MYO18B: variants seen among roughly 807,000 people sequenced by gnomAD.
The protein encoded by MYO18B is unconventional myosin-XVIIIb.
A neutral mutation model predicts 273.0 loss-of-function variants in MYO18B; 204 were observed. That is an observed-to-expected ratio of 0.75 (90% CI 0.67 to 0.84). The LOEUF is 0.84. MYO18B is among the 40% of genes least tolerant of loss of function. MYO18B has a pLI of 0.00. For synonymous variants in MYO18B, 1,330 were observed against 1,305.7 expected, an observed-to-expected ratio of 1.02 and a Z score of -0.40; for missense variants, 3,212 against 3,287.6, an observed-to-expected ratio of 0.98 and a Z score of 0.56.
intron 36 of MYO18B, among the ~76,000 whole-genome samples, chr22:25,948,617 T>G (rs561859053): frequency 1.3e-5 from 2 of 151,548 alleles, no homozygotes; most frequent in Admixed American, 6.6e-5. Context: ...CTGTAGCTAT[T>G]TATTCAATAT....
At chr22:25,770,505 G>A (rs2086678891) in intron 5 of MYO18B, among the ~76,000 whole-genome samples, 1 of 152,196 alleles carries the variant, frequency 6.6e-6, no homozygotes, top group African/African-American at 2.4e-5. Flanking sequence ...GTGATGCTGA[G>A]TCTCAGTCTG....
intron 43 of MYO18B, among the ~76,000 whole-genome samples, chr22:26,028,913 A>G (rs1383947264): frequency 1.3e-5 from 2 of 149,460 alleles, no homozygotes; most frequent in African/African-American, 2.5e-5. Context: ...AAAAAAATTC[A>G]TTGCTAACCA....
chr22:25,880,500 A>G (rs1189288327), intron 25 of MYO18B, among the ~76,000 whole-genome samples: 4 of 152,120 alleles, frequency 2.6e-5, no homozygotes, highest in Non-Finnish European at 5.9e-5. Context: ...ACCCTAGGTA[A>G]GTGTTTTACA....
In MYO18B at chr22:25,910,923, G is replaced by A. The variant is rs763255058; in HGVS notation, c.5260-23G>A. Reference sequence around the variant, plus strand: ...GGATGGAGTTCATTTACCCTGTGATGTTTCTTCCCTGTGTATCCACAGCTT... The same window carrying A: ...GGATGGAGTTCATTTACCCTGTGATATTTCTTCCCTGTGTATCCACAGCTT... On this transcript the variant is annotated intron_variant, in intron 32 of 43. Transcript: ENST00000335473. The A allele has an allele frequency of 3.9e-6, 6 of 1,554,500 alleles. 1 individual carries two copies. The South Asian group carries it at 7.1e-5, about 18-fold the overall frequency.
At chr22:25,913,773 T>C (rs941323011) in intron 33 of MYO18B, among the ~76,000 whole-genome samples, 6 of 152,262 alleles carry the variant, frequency 3.9e-5, no homozygotes, top group Non-Finnish European at 7.3e-5. Context: ...CATTTTTGGT[T>C]ACGTATTTTG....
chr22:25,792,485 T>A (rs1183543726), intron 11 of MYO18B, among the ~76,000 whole-genome samples: 1 of 56,040 alleles, frequency 1.8e-5, no homozygotes, highest in Non-Finnish European at 4.2e-5. Context: ...ATGTTTCTTT[T>A]TTTTTTCTTT....
rs766572507 is a variant in MYO18B, at chr22:25,955,351, G to A, written c.6143G>A (p.Arg2048Gln). ...CAGCGGGAGGCAGAGGCCAGCCGGC[G>A]GTGCATGGAGCTGGTGAGTCCTGTC... is the stretch of plus-strand genomic sequence containing the variant. Reference protein sequence around the residue: ...LVQREAEASRRCMELEKYVEE... With the variant: ...LVQREAEASRQCMELEKYVEE... Residue 2048 changes from arginine to glutamine, a missense_variant, in exon 39 of 44, where the codon CGG (arginine) becomes CAG (glutamine). Physicochemically the swap from Arg to Gln is conservative, Grantham distance 43 (BLOSUM62 1). Coordinates refer to ENST00000335473, the MANE Select transcript of MYO18B (RefSeq NM_032608.7). 17 of 1,612,814 alleles carry A rather than the reference G, an allele frequency of 1.1e-5. No individual in the cohort carries two copies. Among genetic ancestry groups the A allele is most frequent in the Middle Eastern group, 1.7e-4 (1 of 5,760 alleles).
chr22:25,914,138 T>C (rs929335248), intron 33 of MYO18B, among the ~76,000 whole-genome samples: 2 of 152,186 alleles, frequency 1.3e-5, no homozygotes, highest in African/African-American at 4.8e-5. Flanking sequence ...TTGTGGCTCA[T>C]TGGGTTTTTT....
At chr22:26,042,323 C>T in the MYO18B span, among the ~76,000 whole-genome samples, 4 of 152,228 alleles carry the variant, frequency 2.6e-5, no homozygotes, top group Non-Finnish European at 5.9e-5. Flanking sequence ...AAGTGCTCAG[C>T]ACAGCACGGA....
intron 39 of MYO18B, among the ~76,000 whole-genome samples, chr22:25,965,848 G>T (rs1401235959): frequency 6.6e-6 from 1 of 152,106 alleles, no homozygotes; most frequent in Non-Finnish European, 1.5e-5. Flanking sequence ...CAGCCAATAT[G>T]AGCCACTTCC....
intron 3 of MYO18B, among the ~76,000 whole-genome samples, chr22:25,764,411 G>A (rs145519131): frequency 4.2e-4 from 64 of 152,240 alleles, no homozygotes; most frequent in African/African-American, 1.4e-3. Flanking sequence ...TGTCTCCAGC[G>A]CCCCCTTCAG....
intron 34 of MYO18B, among the ~76,000 whole-genome samples, chr22:25,944,527 G>A (rs2092682224): frequency 6.6e-6 from 1 of 152,132 alleles, no homozygotes; most frequent in Non-Finnish European, 1.5e-5. Flanking sequence ...GAATGTGCAG[G>A]CATCCTGCTG....
chr22:25,944,564 G>A (rs1437615168), intron 34 of MYO18B, among the ~76,000 whole-genome samples: 1 of 152,158 alleles, frequency 6.6e-6, no homozygotes, highest in Non-Finnish European at 1.5e-5. Context: ...AATGAGCTGA[G>A]TTAGGCTGGG....
At chr22:25,756,904 T>C (rs1250573014) in intron 1 of MYO18B, among the ~76,000 whole-genome samples, 1 of 151,734 alleles carries the variant, frequency 6.6e-6, no homozygotes, top group Non-Finnish European at 1.5e-5. Flanking sequence ...CTACTGAAAA[T>C]ACAAAAATTA....
chr22:25,886,076 GT>G (rs2091490137), intron 25 of MYO18B, among the ~76,000 whole-genome samples: 1 of 152,224 alleles, frequency 6.6e-6, no homozygotes, highest in Non-Finnish European at 1.5e-5. Flanking sequence ...GTGTCCTTCG[GT>G]GAGCGTTTGC....
intron 38 of MYO18B, among the ~76,000 whole-genome samples, 200 bp from the exon 39 acceptor site, chr22:25,954,979 G>A (rs1233032167): frequency 1.3e-5 from 2 of 152,146 alleles, no homozygotes; most frequent in Non-Finnish European, 2.9e-5. Flanking sequence ...CAAAGTGCTG[G>A]GATTACAGGC....
the MYO18B span, among the ~76,000 whole-genome samples, chr22:26,062,030 G>A: frequency 1.4e-4 from 22 of 152,292 alleles, no homozygotes; most frequent in African/African-American, 4.8e-4. Context: ...ACTAATTTGA[G>A]CATGGAACTT....
chr22:25,898,261 G>A (rs1308999243), intron 28 of MYO18B, 46 bp from the exon 29 acceptor site: 16 of 1,579,294 alleles, frequency 1.0e-5, no homozygotes, highest in African/African-American at 6.8e-5. Context: ...TAAAAAGCTC[G>A]TTCCATGCCC....
chr22:25,933,672 T>TTG (rs2092539857), intron 34 of MYO18B, among the ~76,000 whole-genome samples: 1 of 152,208 alleles, frequency 6.6e-6, no homozygotes, highest in Non-Finnish European at 1.5e-5. Flanking sequence ...ACCTAATAAT[T>TTG]GGTTTATTGT....
Sources: allele counts gnomAD v4.1 joint callset (sites outside exome capture counted in the v4.1 genomes callset), GRCh38; gene constraint gnomAD v4.1.1; transcripts MANE v1.5; gene names NCBI Gene and HGNC (gene_info 2026-07-23, HGNC 2026-07-21).